SIK3: variants seen among roughly 807,000 people sequenced by gnomAD.
SIK3 encodes the protein SIK family kinase 3.
In SIK3, 28 loss-of-function variants were observed where a neutral mutation model predicts 144.2. That is an observed-to-expected ratio of 0.19 (90% CI 0.14 to 0.27). SIK3 has a LOEUF of 0.27. Among genes scored for constraint, SIK3 ranks in the 10% least tolerant of loss-of-function variants. The probability of loss-of-function intolerance (pLI) is 1.00; values close to 1 mark genes in which losing one functional copy is unlikely to be tolerated. For synonymous variants in SIK3, 686 were observed against 676.3 expected (o/e 1.01, Z -0.22); for missense variants, 1,319 against 1,776.0 (o/e 0.74, Z 4.62).
intron 1 of SIK3, among the ~76,000 whole-genome samples, chr11:116,977,214 TC>T (rs1317675772): frequency 9.9e-6 from 1 of 100,854 alleles, no homozygotes; most frequent in Non-Finnish European, 2.0e-5. Context: ...TCTCTCTTCT[TC>T]CTCCCTCCCT....
chr11:116,873,697 G>GA, intron 12 of SIK3, 61 bp from the exon 13 acceptor site: 1 of 1,508,250 alleles, frequency 6.6e-7, no homozygotes, highest in East Asian at 2.3e-5. Context: ...GGAGAAAGGG[G>GA]CAAGCCACTC....
chr11:117,022,811 C>T (rs923986314), intron 1 of SIK3, among the ~76,000 whole-genome samples: 15 of 142,886 alleles, frequency 1.0e-4, no homozygotes, highest in African/African-American at 3.7e-4. Flanking sequence ...TTGTGGAGGG[C>T]AAGGGAGGAA....
chr11:117,000,271 A>T (rs1034050282), intron 1 of SIK3, among the ~76,000 whole-genome samples: 4 of 152,228 alleles, frequency 2.6e-5, no homozygotes, highest in African/African-American at 9.6e-5. Context: ...GCAAGATAAC[A>T]TCTCCATTAC....
At chr11:116,957,639 A>G (rs914163818) in intron 1 of SIK3, among the ~76,000 whole-genome samples, 7 of 152,202 alleles carry the variant, frequency 4.6e-5, no homozygotes, top group African/African-American at 9.6e-5. Flanking sequence ...TGGGCCAGGC[A>G]TAACTCTTAG....
At position 116,954,119 on chromosome 11, in the gene SIK3, G is replaced by A; in HGVS notation, c.391-12C>T. ...TCTGTCTCCATAACCTGGTGCAAAG[G>A]CAGGAAAGTGACAGACAGTGACACA... On this transcript the variant is annotated splice_polypyrimidine_tract_variant and intron_variant, in intron 2 of 24. Coordinates refer to ENST00000445177, the MANE Select transcript of SIK3 (RefSeq NM_001366686.3). 3 of 1,612,842 alleles carry A rather than the reference G, an allele frequency of 1.9e-6. No individual in the cohort carries two copies. The highest frequency in any genetic ancestry group is 2.2e-5 in the South Asian group (2 of 90,982).
chr11:116,978,776 G>A (rs150362452), intron 1 of SIK3, among the ~76,000 whole-genome samples: 94 of 152,158 alleles, frequency 6.2e-4, no homozygotes, highest in African/African-American at 1.9e-3. Flanking sequence ...CCAAAGTGCT[G>A]GGATTACAGG....
chr11:117,084,097 G>A (rs1445762793), intron 1 of SIK3, among the ~76,000 whole-genome samples: 2 of 152,148 alleles, frequency 1.3e-5, no homozygotes, highest in Non-Finnish European at 2.9e-5. Flanking sequence ...TAACGCAGAA[G>A]CTCTCTTAGC....
At chr11:116,921,187 C>T (rs1946949396) in intron 4 of SIK3, among the ~76,000 whole-genome samples, 1 of 152,150 alleles carries the variant, frequency 6.6e-6, no homozygotes, top group Non-Finnish European at 1.5e-5. Context: ...ACAAGAAATT[C>T]AGAAGTTTTG....
chr11:116,954,973 G>A (rs551284224), intron 2 of SIK3, among the ~76,000 whole-genome samples: 6 of 152,252 alleles, frequency 3.9e-5, no homozygotes, highest in Admixed American at 1.3e-4. Context: ...AAGGAAAAAG[G>A]AAAAGGTGAA....
intron 1 of SIK3, among the ~76,000 whole-genome samples, chr11:117,029,904 G>A (rs186282304): frequency 1.2e-3 from 178 of 151,922 alleles, no homozygotes; most frequent in Non-Finnish European, 1.8e-3. Flanking sequence ...GAGTCATTAT[G>A]ATGTAAACTG....
chr11:116,981,327 C>G (rs1335829445), intron 1 of SIK3, among the ~76,000 whole-genome samples: 1 of 152,162 alleles, frequency 6.6e-6, no homozygotes, highest in Non-Finnish European at 1.5e-5. Context: ...TGCCACTGGC[C>G]TGAGACCTCA....
chr11:117,069,183 TTGGGG>T (rs1262450709), intron 1 of SIK3, among the ~76,000 whole-genome samples: 10 of 73,388 alleles, frequency 1.4e-4, no homozygotes, highest in South Asian at 4.1e-4. Context: ...AGATTTTTTT[TTGGGG>T]GGGGGGGGGT....
intron 1 of SIK3, among the ~76,000 whole-genome samples, chr11:116,977,150 G>A (rs1402597984): frequency 6.6e-6 from 1 of 151,968 alleles, no homozygotes; most frequent in Admixed American, 6.6e-5. Context: ...ACATGCAAAG[G>A]CTTCATTAGA....
intron 3 of SIK3, among the ~76,000 whole-genome samples, chr11:116,945,815 A>G (rs779901230): frequency 9.2e-5 from 14 of 152,100 alleles, no homozygotes; most frequent in Non-Finnish European, 1.9e-4. Context: ...CCTATCTCTA[A>G]GGCCTTTAAT....
chr11:117,071,100 C>T (rs1397761336), intron 1 of SIK3, among the ~76,000 whole-genome samples: 1 of 151,918 alleles, frequency 6.6e-6, no homozygotes, highest in Non-Finnish European at 1.5e-5. Flanking sequence ...GGCATTATCT[C>T]ATCACTACTT....
chr11:116,940,795 A>G (rs1948248447), intron 3 of SIK3, among the ~76,000 whole-genome samples: 1 of 151,856 alleles, frequency 6.6e-6, no homozygotes, highest in Non-Finnish European at 1.5e-5. Context: ...GCATTAAAAA[A>G]AAAAAAGGAT....
At chr11:117,063,490 T>C (rs1953887829) in intron 1 of SIK3, among the ~76,000 whole-genome samples, 1 of 151,880 alleles carries the variant, frequency 6.6e-6, no homozygotes, top group Non-Finnish European at 1.5e-5. Flanking sequence ...TCTGAAAAGG[T>C]AAATAATCCT....
intron 1 of SIK3, among the ~76,000 whole-genome samples, chr11:117,018,711 AT>A (rs1276082684): frequency 2.3e-5 from 3 of 132,128 alleles, no homozygotes; most frequent in African/African-American, 1.0e-4. Flanking sequence ...TTTTTATTTT[AT>A]TTTATTTATT....
Position 117,098,317 on chromosome 11 carries a change from C to G in SIK3, c.99G>C (p.Gly33=). The change falls in exon 1 of 25, where the codon GGG becomes GGC. Residue 33 remains glycine, a synonymous_variant. Coordinates refer to ENST00000445177, the MANE Select transcript of SIK3 (RefSeq NM_001366686.3). Reference sequence around the variant, plus strand: ...ACACGGCAGCGGGGGCGGCTGGGGACCCCGGCGCGGGCGGAGGCAGCAGGC... The same window carrying G: ...ACACGGCAGCGGGGGCGGCTGGGGAGCCCGGCGCGGGCGGAGGCAGCAGGC... ...AGRLLPPPAP[G]SPAAPAAVSP... is the part of the protein sequence containing the mutation. 3 of 1,160,736 alleles carry G rather than the reference C, an allele frequency of 2.6e-6. No homozygotes were observed. Among genetic ancestry groups the G allele is most frequent in the Non-Finnish European group, 3.2e-6 (3 of 945,572 alleles). The allele number at this position is 1,160,736 out of a possible 1,614,324, so 71.9% of individuals were successfully genotyped here. A position where few individuals can be genotyped will look rare whatever the true frequency, so the allele number is the denominator to read the frequency against.
Sources: gnomAD v4.1 joint callset for allele counts (sites outside exome capture counted in the v4.1 genomes callset) on GRCh38, gnomAD v4.1.1 for gene constraint, MANE v1.5 for transcripts, NCBI Gene and HGNC (gene_info 2026-07-23, HGNC 2026-07-21) for gene names.